ADCY1: variants seen among roughly 807,000 people sequenced by gnomAD.
ADCY1 encodes adenylate cyclase type 1.
A neutral mutation model predicts 105.4 loss-of-function variants in ADCY1; 28 were observed. The observed-to-expected ratio is 0.27, with a 90% CI of 0.20 to 0.36. ADCY1 has a LOEUF of 0.36. Among genes scored for constraint, ADCY1 ranks in the 10% least tolerant of loss-of-function variants. The pLI is 1.00. For synonymous variants in ADCY1, 655 were observed against 623.8 expected (o/e 1.05, Z -0.75); for missense variants, 977 against 1,434.2 (o/e 0.68, Z 5.15).
chr7:45,612,434 G>A (rs2115879205), intron 3 of ADCY1, among the ~76,000 whole-genome samples: 1 of 152,276 alleles, frequency 6.6e-6, no homozygotes. Flanking sequence ...ACTAATATCT[G>A]CCTTGACTTT....
intron 3 of ADCY1, among the ~76,000 whole-genome samples, chr7:45,612,735 T>C (rs78275869): frequency 0.011 from 1,734 of 152,280 alleles, 20 homozygotes; most frequent in Non-Finnish European, 0.015. Context: ...CCCCAACTTT[T>C]ATGGGGCTGC....
At position 45,713,893 on chromosome 7, in the gene ADCY1, T is replaced by TC. The variant is rs779691962; in HGVS notation, c.3264dup (p.Val1089ArgfsTer97). The TC allele has an allele frequency of 5.1e-6, 4 of 780,344 alleles. No homozygotes were observed. The highest frequency in any genetic ancestry group is 9.6e-6 in the Non-Finnish European group (4 of 418,110). The allele number at this position is 780,344 out of a possible 1,614,324, so 48.3% of individuals were successfully genotyped here. ...GGAGAGCTGGCCTTCAGGGCAGACG[T>TC]CCCCCCGTGTGCCCCATGCCTGGCG... On this transcript the variant is annotated frameshift_variant, in exon 20 of 20. Coordinates refer to ENST00000297323, the MANE Select transcript of ADCY1 (RefSeq NM_021116.4). LOFTEE classifies it high-confidence loss of function.
At chr7:45,651,007 T>C (rs1794794052) in intron 5 of ADCY1, among the ~76,000 whole-genome samples, 1 of 152,246 alleles carries the variant, frequency 6.6e-6, no homozygotes, top group Admixed American at 6.5e-5. Flanking sequence ...TTCTCCAGGA[T>C]TTGGTGCCTT....
At chr7:45,697,956 G>T (rs1037901714) in intron 14 of ADCY1, among the ~76,000 whole-genome samples, 4 of 152,110 alleles carry the variant, frequency 2.6e-5, no homozygotes, top group African/African-American at 9.7e-5. Context: ...GAGCTGATTT[G>T]CCCTCCAGCT....
intron 8 of ADCY1, among the ~76,000 whole-genome samples, chr7:45,662,853 C>T (rs953792714): frequency 2.0e-5 from 3 of 152,198 alleles, no homozygotes; most frequent in African/African-American, 4.8e-5. Context: ...GTGGGCAGGG[C>T]GAGCCCGGAA....
chr7:45,648,778 G>A lies in ADCY1; in HGVS notation c.1129G>A (p.Asp377Asn), dbSNP rs1178462101. The change falls in exon 5 of 20, where the codon GAC becomes AAC. Residue 377 changes from aspartate (D) to asparagine (N), a missense_variant. Physicochemically the swap from Asp to Asn is conservative, Grantham distance 23. Transcript: ENST00000297323. ...HAHCCVEMGLDMIDTITSVAE... is the reference protein window; with the variant it reads ...HAHCCVEMGLNMIDTITSVAE... The stretch of plus-strand genomic sequence containing the variant: ...CCACTGCTGTGTGGAGATGGGACTC[G>A]ACATGATTGATACCATCACGTAAGT... 3 of 1,614,128 alleles carry A rather than the reference G, an allele frequency of 1.9e-6. No homozygotes were observed. Among genetic ancestry groups the A allele is most frequent in the Non-Finnish European group, 2.5e-6 (3 of 1,179,994 alleles).
intron 4 of ADCY1, among the ~76,000 whole-genome samples, chr7:45,635,601 G>GGTTTTTTTTTTTTT (rs1794379951): frequency 1.7e-5 from 1 of 57,198 alleles, no homozygotes; most frequent in African/African-American, 7.0e-5. Flanking sequence ...AATTTCTCTT[G>GGTTTTTTTTTTTTT]TTTTTTTTTT....
intron 8 of ADCY1, among the ~76,000 whole-genome samples, 187 bp from the exon 9 acceptor site, chr7:45,677,664 TACAGGTGTGGGAACCCCA>T (rs757646782): frequency 7.2e-5 from 11 of 152,150 alleles, no homozygotes; most frequent in Non-Finnish European, 1.5e-4. Flanking sequence ...AAACCGCCAT[TACAGGTGTGGGAACCCCA>T]ACACTGGCTG....
At chr7:45,651,160 G>A (rs929871627) in intron 5 of ADCY1, among the ~76,000 whole-genome samples, 114 of 152,186 alleles carry the variant, frequency 7.5e-4, no homozygotes, top group African/African-American at 2.6e-3. Flanking sequence ...CTACACGCCA[G>A]AGTTCCTGTC....
chr7:45,645,963 T>C (rs182138377), intron 4 of ADCY1, among the ~76,000 whole-genome samples: 48 of 147,418 alleles, frequency 3.3e-4, no homozygotes, highest in Non-Finnish European at 6.4e-4. Flanking sequence ...AGGTTGTGAG[T>C]GCTCACGGGG....
At chr7:45,671,982 T>A (rs1722379023) in intron 8 of ADCY1, among the ~76,000 whole-genome samples, 1 of 152,170 alleles carries the variant, frequency 6.6e-6, no homozygotes, top group Admixed American at 6.5e-5. Context: ...TCTTTTATGA[T>A]TCATGTTTTT....
intron 4 of ADCY1, among the ~76,000 whole-genome samples, chr7:45,636,909 C>T (rs144010089): frequency 0.019 from 2,921 of 152,286 alleles, 82 homozygotes; most frequent in South Asian, 0.13. Flanking sequence ...AGATGACAAT[C>T]TCTGCTTTCA....
intron 8 of ADCY1, among the ~76,000 whole-genome samples, chr7:45,672,206 T>A (rs1784380686): frequency 6.6e-6 from 1 of 152,210 alleles, no homozygotes; most frequent in South Asian, 2.1e-4. Flanking sequence ...CTATCCTTCC[T>A]CCATTGAATT....
intron 2 of ADCY1, among the ~76,000 whole-genome samples, chr7:45,608,377 C>T (rs1793438041): frequency 6.6e-6 from 1 of 152,188 alleles, no homozygotes; most frequent in African/African-American, 2.4e-5. Context: ...TCTCCCTGGC[C>T]ACATCTAGCT....
In ADCY1 at chr7:45,575,005, G is replaced by A. The variant is rs766548504; in HGVS notation, c.462G>A (p.Gly154=). 4.7e-5 allele frequency: 76 copies of A among 1,611,488 alleles called. No individual in the cohort carries two copies. The highest frequency in any genetic ancestry group is 1.7e-4 in the Middle Eastern group (1 of 5,948). The change falls in exon 1 of 20, where the codon GGG becomes GGA. Residue 154 remains glycine, a synonymous_variant. Transcript: ENST00000297323. This position sits in a 1 kb window ranked among gnomAD's most constrained non-coding sequence, Gnocchi z 4.7. ...GPARGSAGAA[G]GPATAEQGVW... ...CCCGGGGTTCCGCCGGGGCCGCTGG[G>A]GGGCCAGCGACCGCCGAACAAGGGG...
At chr7:45,578,909 TGCAG>T (rs1792433782) in intron 1 of ADCY1, among the ~76,000 whole-genome samples, 1 of 152,252 alleles carries the variant, frequency 6.6e-6, no homozygotes, top group South Asian at 2.1e-4. Context: ...AGGGATCCAT[TGCAG>T]TGTGCAAATT....
intron 4 of ADCY1, among the ~76,000 whole-genome samples, chr7:45,643,113 CTT>C (rs528070607): frequency 2.9e-4 from 32 of 109,062 alleles, no homozygotes; most frequent in Non-Finnish European, 4.9e-4. Context: ...TGTTTTCTGT[CTT>C]TTTTTTTTTT....
At chr7:45,675,052 T>A (rs1251748132) in intron 8 of ADCY1, among the ~76,000 whole-genome samples, 1 of 152,210 alleles carries the variant, frequency 6.6e-6, no homozygotes, top group Non-Finnish European at 1.5e-5. Flanking sequence ...ATTATTGATA[T>A]GTTATTGATA....
intron 6 of ADCY1, 105 bp downstream of exon 6, chr7:45,657,990 G>C: frequency 7.7e-7 from 1 of 1,292,966 alleles, no homozygotes; most frequent in Non-Finnish European, 1.1e-6. Flanking sequence ...GAGGGCACTT[G>C]TGTGAGTGCT....
Sources: gnomAD v4.1 joint callset for allele counts (sites outside exome capture counted in the v4.1 genomes callset) on GRCh38, gnomAD v4.1.1 for gene constraint, Gnocchi (gnomAD v3.1) non-coding constraint, MANE v1.5 for transcripts, NCBI Gene and HGNC (gene_info 2026-07-23, HGNC 2026-07-21) for gene names.